The following POU4F2 variants were observed in gnomAD, a reference collection of about 807,000 sequenced individuals.
The protein encoded by POU4F2 is POU class 4 homeobox 2, also known as POU domain, class 4, transcription factor 2.
In POU4F2, 10 loss-of-function variants were observed where a neutral mutation model predicts 21.5. That is an observed-to-expected ratio of 0.46 (90% CI 0.29 to 0.79). The LOEUF is 0.79. POU4F2 is among the 30% of genes least tolerant of loss of function. POU4F2 has a pLI of 0.10. For synonymous variants in POU4F2, 324 were observed against 271.1 expected (o/e 1.20, Z -1.92); for missense variants, 623 against 603.3 (o/e 1.03, Z -0.34).
At position 146,641,669 on chromosome 4, in the gene POU4F2, A is replaced by G. The variant is rs1489759604; in HGVS notation, c.*861A>G. On this transcript the variant is annotated 3_prime_UTR_variant, in exon 2 of 2. Coordinates refer to ENST00000281321, the MANE Select transcript of POU4F2 (RefSeq NM_004575.3). Reference sequence around the variant, plus strand: ...CCTTTTGACCCATTTGTATATTCTCACTTGAATGAAGATTGTTTTTTTCTT... The same window carrying G: ...CCTTTTGACCCATTTGTATATTCTCGCTTGAATGAAGATTGTTTTTTTCTT... The G allele has an allele frequency of 6.6e-6, 1 of 152,480 alleles. No homozygotes were observed. The highest frequency in any genetic ancestry group is 1.5e-5 in the Non-Finnish European group (1 of 68,028). 9.4% of individuals were successfully genotyped at this position (152,480 alleles called of 1,614,324 possible).
rs1729870242 is a variant in POU4F2 at position 146,640,302 on chromosome 4, C to A, written c.724C>A (p.Pro242Thr). Residue 242 changes from proline (P) to threonine (T), a missense_variant, in exon 2 of 2, where the codon CCG becomes ACG. By Grantham distance (38) the Pro-to-Thr change is conservative (BLOSUM62 -1). Around this residue, in one of 3 missense-constraint regions of POU4F2, gnomAD observed 523 missense variants for 504.1 expected, o/e 1.04. Coordinates refer to ENST00000281321, the MANE Select transcript of POU4F2 (RefSeq NM_004575.3). The surrounding 1 kb of genome is among the most constrained non-coding windows in gnomAD (Gnocchi z 4.8). ...CAGCATGGCCCACGCGCACGGGCTG[C>A]CGTCGCACATGGGCTGCATGAGCGA... The part of the protein sequence containing the change: ...ALSMAHAHGL[P>T]SHMGCMSDVD... The A allele has an allele frequency of 6.4e-7, 1 of 1,563,818 alleles. No individual in the cohort carries two copies. Among genetic ancestry groups the A allele is most frequent in the Non-Finnish European group, 8.6e-7 (1 of 1,158,504 alleles).
At position 146,639,432 on chromosome 4, in the gene POU4F2, C is replaced by G. The variant is rs377418062; in HGVS notation, c.288+4C>G. ...AGCCTGTCTTCCAACCCCACCGGTG[C>G]GTATTTCTGCATAATCACCGCTTAA... On this transcript the variant is annotated splice_donor_region_variant and intron_variant, in intron 1 of 1. Coordinates refer to ENST00000281321, the MANE Select transcript of POU4F2 (RefSeq NM_004575.3). The G allele has an allele frequency of 5.5e-6, 8 of 1,458,604 alleles. No individual in the cohort carries two copies. Among genetic ancestry groups the G allele is most frequent in the Admixed American group, 2.9e-5 (1 of 34,960 alleles). The allele number at this position is 1,458,604 out of a possible 1,614,324, so 90.4% of individuals were successfully genotyped here.
At position 146,640,234 on chromosome 4, in the gene POU4F2, C is replaced by A. The variant is rs1186714249; in HGVS notation, c.656C>A (p.Ala219Glu). 2 of 1,579,608 alleles carry A rather than the reference C, an allele frequency of 1.3e-6. No individual in the cohort carries two copies. The highest frequency in any genetic ancestry group is 2.3e-5 in the East Asian group (1 of 43,954). The stretch of plus-strand genomic sequence containing the variant: ...GCTGTGGTGTCCACGCCGGCTCACG[C>A]GCCGCACATGGCCACCATGAACCCC... The part of the protein sequence containing the change: ...DGAVVSTPAH[A>E]PHMATMNPMH... Residue 219 changes from alanine (A) to glutamate (E), a missense_variant, in exon 2 of 2, where the codon GCG becomes GAG. Ala to Glu is a moderately radical substitution (Grantham distance 107, BLOSUM62 -1). Transcript: ENST00000281321. This position sits in a 1 kb window ranked among gnomAD's most constrained non-coding sequence, Gnocchi z 4.8.
chr4:146,639,423 C>A lies in POU4F2; in HGVS notation c.283C>A (p.Pro95Thr). The change falls in exon 1 of 2, where the codon CCA becomes ACA. Residue 95 changes from proline (P) to threonine (T), a missense_variant. Physicochemically the swap from Pro to Thr is conservative, Grantham distance 38. Coordinates refer to ENST00000281321, the MANE Select transcript of POU4F2 (RefSeq NM_004575.3). The part of the protein sequence containing the change: ...EAMRRACLPT[P>T]PSNIFGGLDE... ...TATGCGGAGAGCCTGTCTTCCAACCCCACCGGTGCGTATTTCTGCATAATC... is the reference window on the plus strand; with the variant it reads ...TATGCGGAGAGCCTGTCTTCCAACCACACCGGTGCGTATTTCTGCATAATC... 5.5e-6 allele frequency: 8 copies of A among 1,461,808 alleles called. No individual in the cohort carries two copies. The highest frequency in any genetic ancestry group is 7.2e-6 in the Non-Finnish European group (8 of 1,114,080). 90.6% of individuals were successfully genotyped at this position (1,461,808 alleles called of 1,614,324 possible).
At position 146,642,315 on chromosome 4, in the gene POU4F2, T is replaced by A. The variant is rs1740902639; in HGVS notation, c.*1507T>A. 1 of 152,222 alleles carries A rather than the reference T, an allele frequency of 6.6e-6. No individual in the cohort carries two copies. The highest frequency in any genetic ancestry group is 1.5e-5 in the Non-Finnish European group (1 of 68,036). 9.4% of individuals were successfully genotyped at this position (152,222 alleles called of 1,614,324 possible). A position where few individuals can be genotyped will look rare whatever the true frequency, so the allele number is the denominator to read the frequency against. On this transcript the variant is annotated 3_prime_UTR_variant, in exon 2 of 2. Transcript: ENST00000281321. ...GAGTTCTGTATATGGCCTGGTTTCT[T>A]GTTTTTATTAATAGATGGTTTATTT...
rs943188795 is a variant in POU4F2 at position 146,642,417 on chromosome 4, G to A, written c.*1609G>A. The A allele has an allele frequency of 1.6e-4, 25 of 151,920 alleles. No individual in the cohort carries two copies. The highest frequency in any genetic ancestry group is 5.8e-4 in the African/African-American group (24 of 41,334). 9.4% of individuals were successfully genotyped at this position (151,920 alleles called of 1,614,324 possible). ...GAAGAGATAATTTTAATGTTTTATT[G>A]GCAACGTATGCTGCTTTTTCATTAA... is the stretch of plus-strand genomic sequence containing the variant. On this transcript the variant is annotated 3_prime_UTR_variant, in exon 2 of 2. Coordinates refer to ENST00000281321, the MANE Select transcript of POU4F2 (RefSeq NM_004575.3).
Position 146,639,307 on chromosome 4 carries a change from G to GCGC in POU4F2, c.169_170insCCG (p.Gly56_Gly57insAla), listed in dbSNP as rs1295651797. 1 of 979,698 alleles carries GCGC rather than the reference G, an allele frequency of 1.0e-6. No homozygotes were observed. Among genetic ancestry groups the GCGC allele is most frequent in the Non-Finnish European group, 1.3e-6 (1 of 752,652 alleles). The allele number at this position is 979,698 out of a possible 1,614,324, so 60.7% of individuals were successfully genotyped here. ...AGCAGCTCGAGCAACGCTGGTGGTG[G>GCGC]CGGCGGCGGCGGCGGCGGCGGCGGC... On this transcript the variant is annotated inframe_insertion, in exon 1 of 2. Transcript: ENST00000281321.
Position 146,640,026 on chromosome 4 carries a change from T to A in POU4F2, c.448T>A (p.Cys150Ser), listed in dbSNP as rs1261854140. The A allele has an allele frequency of 6.8e-6, 11 of 1,610,946 alleles. No individual in the cohort carries two copies. The highest frequency in any genetic ancestry group is 9.3e-6 in the Non-Finnish European group (11 of 1,179,808). Residue 150 changes from cysteine to serine, a missense_variant, in exon 2 of 2, where the codon TGC becomes AGC. By Grantham distance (112) the Cys-to-Ser change is moderately radical. Transcript: ENST00000281321. This position sits in a 1 kb window ranked among gnomAD's most constrained non-coding sequence, Gnocchi z 4.8. ...ATYHTMNTIPCTSAASSSSVP... is the reference protein window; with the variant it reads ...ATYHTMNTIPSTSAASSSSVP... ...CTACCACACTATGAATACCATCCCG[T>A]GCACGTCGGCCGCCTCTTCTTCATC...
Position 146,641,673 on chromosome 4 carries a change from G to T in POU4F2, c.*865G>T, listed in dbSNP as rs1266620161. 6.6e-6 allele frequency: 1 copy of T among 152,548 alleles called. No homozygotes were observed. Among genetic ancestry groups the T allele is most frequent in the Non-Finnish European group, 1.5e-5 (1 of 68,024 alleles). 9.4% of individuals were successfully genotyped at this position (152,548 alleles called of 1,614,324 possible). A position where few individuals can be genotyped will look rare whatever the true frequency, so the allele number is the denominator to read the frequency against. ...TTGACCCATTTGTATATTCTCACTT[G>T]AATGAAGATTGTTTTTTTCTTTGTT... On this transcript the variant is annotated 3_prime_UTR_variant, in exon 2 of 2. Transcript: ENST00000281321.
At position 146,640,569 on chromosome 4, in the gene POU4F2, C is replaced by A. The variant is rs990275856; in HGVS notation, c.991C>A (p.Arg331Ser). 6.2e-7 allele frequency: 1 copy of A among 1,613,754 alleles called. No individual in the cohort carries two copies. Among genetic ancestry groups the A allele is most frequent in the Non-Finnish European group, 8.5e-7 (1 of 1,179,754 alleles). ...GCTCGAGGAGGCCGAGAAGTCCCAC[C>A]GCGAGAAGCTCACCAAGCCTGAACT... is the stretch of plus-strand genomic sequence containing the variant. ...AWLEEAEKSH[R>S]EKLTKPELFN... The change falls in exon 2 of 2, where the codon CGC becomes AGC. Residue 331 changes from arginine to serine, a missense_variant. Physicochemically the swap from Arg to Ser is moderately radical, Grantham distance 110. Transcript: ENST00000281321. The surrounding 1 kb of genome is among the most constrained non-coding windows in gnomAD (Gnocchi z 4.8).
In POU4F2 at chr4:146,639,854, C is replaced by A; in HGVS notation, c.289-13C>A. 3 of 1,523,550 alleles carry A rather than the reference C, an allele frequency of 2.0e-6. No individual in the cohort carries two copies. The highest frequency in any genetic ancestry group is 1.8e-6 in the Non-Finnish European group (2 of 1,134,440). The allele number at this position is 1,523,550 out of a possible 1,614,324, so 94.4% of individuals were successfully genotyped here. A position where few individuals can be genotyped will look rare whatever the true frequency, so the allele number is the denominator to read the frequency against. On this transcript the variant is annotated splice_polypyrimidine_tract_variant and intron_variant, in intron 1 of 1. Coordinates refer to ENST00000281321, the MANE Select transcript of POU4F2 (RefSeq NM_004575.3). ...TGCTGAGCGTAATGTGTGCCTTCTACTTACAATTGCAGAGCAATATATTCG... is the reference window on the plus strand; with the variant it reads ...TGCTGAGCGTAATGTGTGCCTTCTAATTACAATTGCAGAGCAATATATTCG...
intron 1 of POU4F2, 97 bp from the exon 2 acceptor site, chr4:146,639,770 G>T: frequency 8.4e-7 from 1 of 1,190,480 alleles, no homozygotes. Flanking sequence ...AATGTTGTAG[G>T]CGCGGCGACG....
chr4:146,640,904 C>T lies in POU4F2; in HGVS notation c.*96C>T. On this transcript the variant is annotated 3_prime_UTR_variant, in exon 2 of 2. Transcript: ENST00000281321. This position sits in a 1 kb window ranked among gnomAD's most constrained non-coding sequence, Gnocchi z 4.8. ...TCACTTTTGGCGACTAGAAACAATT[C>T]CAGTAAATGTGAATCTCGACAAATC... 3.1e-6 allele frequency: 4 copies of T among 1,293,150 alleles called. No homozygotes were observed. The highest frequency in any genetic ancestry group is 4.2e-6 in the Non-Finnish European group (4 of 960,386). 80.1% of individuals were successfully genotyped at this position (1,293,150 alleles called of 1,614,324 possible). A position where few individuals can be genotyped will look rare whatever the true frequency, so the allele number is the denominator to read the frequency against.
At position 146,642,090 on chromosome 4, in the gene POU4F2, A is replaced by G. The variant is rs1198756475; in HGVS notation, c.*1282A>G. The G allele has an allele frequency of 6.6e-6, 1 of 152,606 alleles. No individual in the cohort carries two copies. The highest frequency in any genetic ancestry group is 2.4e-5 in the African/African-American group (1 of 41,448). 9.5% of individuals were successfully genotyped at this position (152,606 alleles called of 1,614,324 possible). A position where few individuals can be genotyped will look rare whatever the true frequency, so the allele number is the denominator to read the frequency against. Reference sequence around the variant, plus strand: ...CTTTTGGAGGTTTGTTTGTAGAAAAACTAATTTGAACTATAAGAAAGACAG... The same window carrying G: ...CTTTTGGAGGTTTGTTTGTAGAAAAGCTAATTTGAACTATAAGAAAGACAG... On this transcript the variant is annotated 3_prime_UTR_variant, in exon 2 of 2. Coordinates refer to ENST00000281321, the MANE Select transcript of POU4F2 (RefSeq NM_004575.3).
At position 146,639,038 on chromosome 4, in the gene POU4F2, C is replaced by A; in HGVS notation, c.-103C>A. The A allele has an allele frequency of 1.4e-6, 2 of 1,412,816 alleles. No individual in the cohort carries two copies. Among genetic ancestry groups the A allele is most frequent in the Non-Finnish European group, 1.9e-6 (2 of 1,057,900 alleles). The allele number at this position is 1,412,816 out of a possible 1,614,324, so 87.5% of individuals were successfully genotyped here. A position where few individuals can be genotyped will look rare whatever the true frequency, so the allele number is the denominator to read the frequency against. On this transcript the variant is annotated 5_prime_UTR_variant, in exon 1 of 2. Transcript: ENST00000281321. ...GGCGGGTGAGCTCAACTTCGCACAG[C>A]CCTTCCCAGCTCCAGCCCCGGCTGG...
In POU4F2 at chr4:146,641,261, G is replaced by T. The variant is rs1740882797; in HGVS notation, c.*453G>T. 5 of 154,668 alleles carry T rather than the reference G, an allele frequency of 3.2e-5. No individual in the cohort carries two copies. The highest frequency in any genetic ancestry group is 1.2e-4 in the African/African-American group (5 of 41,482). The allele number at this position is 154,668 out of a possible 1,614,324, so 9.6% of individuals were successfully genotyped here. On this transcript the variant is annotated 3_prime_UTR_variant, in exon 2 of 2. Coordinates refer to ENST00000281321, the MANE Select transcript of POU4F2 (RefSeq NM_004575.3). ...TTCAGGACTAAAACTTTAAACTAGA[G>T]TTGATGCTTAATGTGATAGAGACAT...
Position 146,640,923 on chromosome 4 carries a change from A to C in POU4F2, c.*115A>C. ...ACAATTCCAGTAAATGTGAATCTCG[A>C]CAAATCGAGGACTGAAGAGGGAGCG... is the stretch of plus-strand genomic sequence containing the variant. On this transcript the variant is annotated 3_prime_UTR_variant, in exon 2 of 2. Transcript: ENST00000281321. The surrounding 1 kb of genome is among the most constrained non-coding windows in gnomAD (Gnocchi z 4.8). The C allele has an allele frequency of 8.5e-7, 1 of 1,182,156 alleles. No individual in the cohort carries two copies. The highest frequency in any genetic ancestry group is 1.2e-6 in the Non-Finnish European group (1 of 868,862). The allele number at this position is 1,182,156 out of a possible 1,614,324, so 73.2% of individuals were successfully genotyped here. A position where few individuals can be genotyped will look rare whatever the true frequency, so the allele number is the denominator to read the frequency against.
rs1172865081 is a variant in POU4F2, at chr4:146,640,553, G to T, written c.975G>T (p.Glu325Asp). The change falls in exon 2 of 2, where the codon GAG becomes GAT. Residue 325 changes from glutamate (E) to aspartate (D), a missense_variant. Physicochemically the swap from Glu to Asp is conservative, Grantham distance 45 (BLOSUM62 2). Coordinates refer to ENST00000281321, the MANE Select transcript of POU4F2 (RefSeq NM_004575.3). This position sits in a 1 kb window ranked among gnomAD's most constrained non-coding sequence, Gnocchi z 4.8. The stretch of plus-strand genomic sequence containing the variant: ...CCATCCTGCAGGCATGGCTCGAGGA[G>T]GCCGAGAAGTCCCACCGCGAGAAGC... ...LKPILQAWLE[E>D]AEKSHREKLT... is the part of the protein sequence containing the mutation. The T allele has an allele frequency of 6.2e-7, 1 of 1,613,858 alleles. No homozygotes were observed. The highest frequency in any genetic ancestry group is 8.5e-7 in the Non-Finnish European group (1 of 1,179,794).
chr4:146,640,109 C>A lies in POU4F2; in HGVS notation c.531C>A (p.His177Gln). 6.3e-7 allele frequency: 1 copy of A among 1,591,400 alleles called. No homozygotes were observed. The highest frequency in any genetic ancestry group is 8.5e-7 in the Non-Finnish European group (1 of 1,174,632). ...GCACGCACCACCACCACCACCATCA[C>A]CACCACCACCACCACCAACCGCACC... ...LAGTHHHHHH[H>Q]HHHHHQPHQA... Residue 177 changes from histidine to glutamine, a missense_variant, in exon 2 of 2, where the codon CAC (histidine) becomes CAA (glutamine). His to Gln is a conservative substitution (Grantham distance 24). This residue lies in a region of POU4F2 where 523 missense variants were observed against 504.1 expected (regional missense o/e 1.04). Transcript: ENST00000281321. This position sits in a 1 kb window ranked among gnomAD's most constrained non-coding sequence, Gnocchi z 4.8.
Sources: allele counts gnomAD v4.1 joint callset, GRCh38; gene constraint gnomAD v4.1.1; regional missense constraint gnomAD v4.1.1; non-coding constraint Gnocchi (gnomAD v3.1); transcripts MANE v1.5; gene names NCBI Gene and HGNC (gene_info 2026-07-23, HGNC 2026-07-21).